KCNQ3: variants seen among roughly 807,000 people sequenced by gnomAD.
The protein encoded by KCNQ3 is potassium voltage-gated channel subfamily Q member 3.
In KCNQ3, 30 loss-of-function variants were observed where a neutral mutation model predicts 92.5. The observed-to-expected ratio is 0.32, with a 90% confidence interval of 0.24 to 0.44. KCNQ3 has a LOEUF of 0.44. Ranked by LOEUF, KCNQ3 falls within the 20% of genes least tolerant of loss-of-function variation. The probability of loss-of-function intolerance (pLI) is 1.00; values close to 1 mark genes in which losing one functional copy is unlikely to be tolerated. For missense variants in KCNQ3, 913 were observed against 1,140.3 expected (o/e 0.80, Z 2.87); for synonymous variants, 450 against 468.8 (o/e 0.96, Z 0.52).
intron 1 of KCNQ3, among the ~76,000 whole-genome samples, chr8:132,196,158 C>T (rs713148): frequency 0.44 from 67,523 of 151,982 alleles, 15,367 homozygotes; most frequent in Middle Eastern, 0.51. Context: ...CCATCATATG[C>T]TTTCTCTCCC....
chr8:132,323,583 C>A (rs747915010), intron 1 of KCNQ3, among the ~76,000 whole-genome samples: 1 of 152,116 alleles, frequency 6.6e-6, no homozygotes, highest in African/African-American at 2.4e-5. Context: ...AGAAAATGGC[C>A]GTAGGTGCTA....
chr8:132,175,331 A>C, intron 5 of KCNQ3, 122 bp downstream of exon 5: 82 of 1,132,432 alleles, frequency 7.2e-5, no homozygotes, highest in East Asian at 9.4e-5. Flanking sequence ...AAATTGGTCT[A>C]GAGCTTACCT....
In KCNQ3 at chr8:132,168,715, ATATGTGTGTGTGTGTGTGTGTGTGTG is replaced by A. The variant is rs796936301; in HGVS notation, c.1235+1593_1235+1618del. Among the ~76,000 whole-genome samples the A allele has an allele frequency of 2.0e-3, 269 of 134,520 alleles. 5 individuals are homozygous for A. Among genetic ancestry groups the A allele is most frequent in the Non-Finnish European group, 1.6e-3 (103 of 63,296 alleles). 88.3% of individuals were successfully genotyped at this position (134,520 alleles called of 152,430 possible). On this transcript the variant is annotated intron_variant, in intron 8 of 14. Transcript: ENST00000388996. ...TAGAAAGAGAAATTGAGGATAATGA[ATATGTGTGTGTGTGTGTGTGTGTGTG>A]TGTGTGTGTGTGTGTGTGTGTGTGT...
intron 9 of KCNQ3, among the ~76,000 whole-genome samples, chr8:132,158,776 A>G (rs1354098336): frequency 1.3e-5 from 2 of 152,250 alleles, no homozygotes; most frequent in African/African-American, 4.8e-5. Context: ...GCTTACAACT[A>G]TGCCGGGGAA....
intron 1 of KCNQ3, among the ~76,000 whole-genome samples, chr8:132,384,730 G>A (rs950569247): frequency 3.3e-5 from 5 of 152,184 alleles, no homozygotes; most frequent in East Asian, 1.9e-4. Context: ...CTTTCTGATC[G>A]ATAGAAGCAG....
At chr8:132,404,033 T>A (rs112371202) in intron 1 of KCNQ3, among the ~76,000 whole-genome samples, 1 of 152,110 alleles carries the variant, frequency 6.6e-6, no homozygotes. Flanking sequence ...ATTCTGTACA[T>A]CTCCACAGAC....
At chr8:132,230,659 A>G (rs550416167) in intron 1 of KCNQ3, among the ~76,000 whole-genome samples, 13 of 152,322 alleles carry the variant, frequency 8.5e-5, no homozygotes, top group South Asian at 2.1e-4. Context: ...ATAATTCCTG[A>G]AATTCTTGCC....
intron 1 of KCNQ3, among the ~76,000 whole-genome samples, chr8:132,383,568 C>T (rs189736367): frequency 1.4e-4 from 21 of 152,274 alleles, no homozygotes; most frequent in African/African-American, 5.1e-4. Context: ...CTTAACAGAC[C>T]TAGGCTGAGC....
At chr8:132,479,296 C>G (rs1488862080) in intron 1 of KCNQ3, among the ~76,000 whole-genome samples, 1 of 152,150 alleles carries the variant, frequency 6.6e-6, no homozygotes, top group Non-Finnish European at 1.5e-5. Context: ...TCTAGGAGAA[C>G]AGTGCCTGGG....
At chr8:132,277,978 C>T in intron 1 of KCNQ3, 20 of 985,370 alleles carry the variant, frequency 2.0e-5, no homozygotes, top group Non-Finnish European at 2.4e-5. Flanking sequence ...CCTTCACCCC[C>T]ACAGGACAGA....
intron 1 of KCNQ3, among the ~76,000 whole-genome samples, chr8:132,398,004 T>C (rs1252463990): frequency 6.6e-6 from 1 of 152,236 alleles, no homozygotes; most frequent in Non-Finnish European, 1.5e-5. Context: ...ACACCTTTCT[T>C]TGTGTCTTCG....
At chr8:132,199,910 CA>C (rs66931252) in intron 1 of KCNQ3, among the ~76,000 whole-genome samples, 35,983 of 101,706 alleles carry the variant, frequency 0.35, 4,202 homozygotes, top group African/African-American at 0.45. Context: ...ACTCAGTCTC[CA>C]AAAAAAAAAA....
chr8:132,387,152 A>T (rs1819910435), intron 1 of KCNQ3, among the ~76,000 whole-genome samples: 1 of 152,240 alleles, frequency 6.6e-6, no homozygotes, highest in African/African-American at 2.4e-5. Flanking sequence ...GAGAGTTTAG[A>T]GCATATTAAA....
At chr8:132,219,150 T>G (rs1178503420) in intron 1 of KCNQ3, among the ~76,000 whole-genome samples, 1 of 152,126 alleles carries the variant, frequency 6.6e-6, no homozygotes, top group Non-Finnish European at 1.5e-5. Context: ...TCTAAAGTGT[T>G]TTTCCACTGA....
chr8:132,226,142 G>T (rs1250499633), intron 1 of KCNQ3, among the ~76,000 whole-genome samples: 1 of 152,042 alleles, frequency 6.6e-6, no homozygotes, highest in Non-Finnish European at 1.5e-5. Context: ...ATGGTGGCAG[G>T]CACCTGTAGT....
chr8:132,214,246 C>T (rs891360747), intron 1 of KCNQ3, among the ~76,000 whole-genome samples: 3 of 152,056 alleles, frequency 2.0e-5, no homozygotes, highest in South Asian at 2.1e-4. Context: ...AGATACAGAC[C>T]GCAATTTATG....
chr8:132,187,886 CGGT>C (rs1211571900), intron 1 of KCNQ3, among the ~76,000 whole-genome samples: 373 of 26,642 alleles, frequency 0.014, 6 homozygotes, highest in African/African-American at 0.059. Flanking sequence ...GTGATGGTGG[CGGT>C]GGTGGTGGTG....
intron 1 of KCNQ3, among the ~76,000 whole-genome samples, chr8:132,388,739 A>C (rs779247659): frequency 3.3e-5 from 5 of 152,232 alleles, no homozygotes; most frequent in Non-Finnish European, 7.3e-5. Flanking sequence ...AATAGACAAG[A>C]TGCTTCTCTT....
intron 1 of KCNQ3, among the ~76,000 whole-genome samples, chr8:132,386,988 T>C (rs1305710520): frequency 6.6e-6 from 1 of 152,184 alleles, no homozygotes; most frequent in East Asian, 1.9e-4. Flanking sequence ...TTACTCTGAT[T>C]TGATCATTAC....
Sources: allele counts gnomAD v4.1 joint callset (sites outside exome capture counted in the v4.1 genomes callset), GRCh38; gene constraint gnomAD v4.1.1; transcripts MANE v1.5; gene names NCBI Gene and HGNC (gene_info 2026-07-23, HGNC 2026-07-21).